Variants in ABAT observed in about 807,000 individuals in gnomAD.
ABAT encodes 4-aminobutyrate aminotransferase, also known as 4-aminobutyrate aminotransferase, mitochondrial.
A neutral mutation model predicts 64.6 loss-of-function variants in ABAT; 45 were observed. The observed-to-expected ratio is 0.70, with a 90% CI of 0.55 to 0.89. ABAT has a LOEUF of 0.89. Among genes scored for constraint, ABAT ranks in the 40% least tolerant of loss-of-function variants. The probability of loss-of-function intolerance (pLI) is 0.00; values close to 1 mark genes in which losing one functional copy is unlikely to be tolerated. For synonymous variants in ABAT, 297 were observed against 250.5 expected, an observed-to-expected ratio of 1.19 and a Z score of -1.75; for missense variants, 633 against 658.4, an observed-to-expected ratio of 0.96 and a Z score of 0.42.
chr16:8,766,221 G>A lies in ABAT; in HGVS notation c.554G>A (p.Gly185Glu). The change falls in exon 9 of 16, where the codon GGG (glycine) becomes GAG (glutamate). Residue 185 changes from glycine (G) to glutamate (E), a missense_variant. Transcript: ENST00000268251. The stretch of plus-strand genomic sequence containing the variant: ...CTATTGTTTCAGAGCAAGGAAAGAG[G>A]GCAGAGGGGCTTCTCCCAGGAGGAG... ...IFMWYRSKER[G>E]QRGFSQEELE... The A allele has an allele frequency of 1.2e-6, 2 of 1,614,030 alleles. No individual in the cohort carries two copies.
chr16:8,746,035 C>A lies in ABAT; in HGVS notation c.105C>A (p.Val35=). Residue 35 remains valine, a synonymous_variant, in exon 3 of 16, where the codon GTC becomes GTA. Transcript: ENST00000268251. ...SRHISQAAAK[V]DVEFDYDGPL... is the part of the protein sequence containing the mutation. ...ACATTAGTCAAGCTGCAGCCAAAGT[C>A]GACGTTGAATTTGATTATGATGGGC... 6.2e-7 allele frequency: 1 copy of A among 1,613,908 alleles called. No homozygotes were observed. Among genetic ancestry groups the A allele is most frequent in the Non-Finnish European group, 8.5e-7 (1 of 1,179,978 alleles).
At chr16:8,774,831 C>T (rs2060218822) in intron 12 of ABAT, 59 bp from the exon 13 acceptor site, 1 of 1,604,306 alleles carries the variant, frequency 6.2e-7, no homozygotes, top group Non-Finnish European at 8.5e-7. Flanking sequence ...CTATGGAGGG[C>T]ATGAATTTCT....
At position 8,776,701 on chromosome 16, in the gene ABAT, C is replaced by T. The variant is rs945350531; in HGVS notation, c.1269+211C>T. Among the ~76,000 whole-genome samples, 1 of 152,128 alleles carries T rather than the reference C, an allele frequency of 6.6e-6. No individual in the cohort carries two copies. Among genetic ancestry groups the T allele is most frequent in the African/African-American group, 2.4e-5 (1 of 41,416 alleles). On this transcript the variant is annotated intron_variant, in intron 14 of 15. Coordinates refer to ENST00000268251, the MANE Select transcript of ABAT (RefSeq NM_020686.6). This position sits in a 1 kb window ranked among gnomAD's most constrained non-coding sequence, Gnocchi z 4.4. ...CCTCCATCCCATTCCAACCCCTATT[C>T]CTGAACTCCTGGTTTTCTTTGTTGT...
Position 8,735,904 on chromosome 16 carries a change from G to C in ABAT, c.70+95G>C. ...CTGGAAGAGCCCTTGGGGATAAAGG[G>C]ACCAGCCAGTGAGTGTTTCTGGGAC... is the stretch of plus-strand genomic sequence containing the variant. On this transcript the variant is annotated intron_variant, in intron 2 of 15. Transcript: ENST00000268251. 5.5e-6 allele frequency: 6 copies of C among 1,099,660 alleles called. 1 individual carries two copies. In the South Asian group the frequency reaches 8.0e-5, roughly 15 times the overall value. 68.1% of individuals were successfully genotyped at this position (1,099,660 alleles called of 1,614,324 possible). A position where few individuals can be genotyped will look rare whatever the true frequency, so the allele number is the denominator to read the frequency against.
rs1596472701 is a variant in ABAT, at chr16:8,776,544, C to T, written c.1269+54C>T. 2 of 1,525,032 alleles carry T rather than the reference C, an allele frequency of 1.3e-6. No individual in the cohort carries two copies. The highest frequency in any genetic ancestry group is 4.9e-5 in the East Asian group (2 of 41,110). The allele number at this position is 1,525,032 out of a possible 1,614,324, so 94.5% of individuals were successfully genotyped here. ...ACCACCCATGGCTCCCCGCAGCAGC[C>T]TCCGGGGCAACACTGGAGCTCTTCG... On this transcript the variant is annotated intron_variant, in intron 14 of 15. Transcript: ENST00000268251. This position sits in a 1 kb window ranked among gnomAD's most constrained non-coding sequence, Gnocchi z 4.4.
At chr16:8,712,732 G>T (rs959994277) in intron 1 of ABAT, 2 of 152,150 alleles carry the variant, frequency 1.3e-5, no homozygotes, top group African/African-American at 4.8e-5. Context: ...ACTGCACCGA[G>T]GATGCCGGTA....
intron 1 of ABAT, among the ~76,000 whole-genome samples, chr16:8,692,219 GA>G (rs1263008557): frequency 6.6e-6 from 1 of 151,910 alleles, no homozygotes; most frequent in African/African-American, 2.4e-5. Flanking sequence ...TGTCCCTACA[GA>G]AAATAAAAAA....
chr16:8,701,592 A>C (rs1289070353), intron 1 of ABAT, among the ~76,000 whole-genome samples: 1 of 152,248 alleles, frequency 6.6e-6, no homozygotes, highest in Non-Finnish European at 1.5e-5. Flanking sequence ...GTATAATTAA[A>C]ATACTGATGG....
chr16:8,771,132 C>G (rs1307681326), intron 11 of ABAT, among the ~76,000 whole-genome samples: 3 of 151,964 alleles, frequency 2.0e-5, no homozygotes, highest in Non-Finnish European at 4.4e-5. Context: ...CCCATCTCTA[C>G]TAAAAATACA....
chr16:8,719,318 T>C (rs1027734226), intron 1 of ABAT, among the ~76,000 whole-genome samples: 1 of 152,346 alleles, frequency 6.6e-6, no homozygotes, highest in African/African-American at 2.4e-5. Context: ...TCCTCCTCCC[T>C]TGTAGGATCA....
chr16:8,781,127 A>C lies in ABAT; in HGVS notation c.1382-182A>C. 1.2e-6 allele frequency: 1 copy of C among 860,580 alleles called. No individual in the cohort carries two copies. 53.3% of individuals were successfully genotyped at this position (860,580 alleles called of 1,614,324 possible). A position where few individuals can be genotyped will look rare whatever the true frequency, so the allele number is the denominator to read the frequency against. On this transcript the variant is annotated intron_variant, in intron 15 of 15. Transcript: ENST00000268251. The surrounding 1 kb of genome is among the most constrained non-coding windows in gnomAD (Gnocchi z 4.5). Reference sequence around the variant, plus strand: ...GAGGAGATGAATGAGGGGAGAGAGAAAGGAAATGAAGACTGGATGGGTGGG... The same window carrying C: ...GAGGAGATGAATGAGGGGAGAGAGACAGGAAATGAAGACTGGATGGGTGGG...
chr16:8,726,364 G>A (rs1478910293), intron 1 of ABAT, among the ~76,000 whole-genome samples: 2 of 145,774 alleles, frequency 1.4e-5, no homozygotes, highest in Non-Finnish European at 3.0e-5. Flanking sequence ...GGGTTCAAGC[G>A]ATTCTCCTGC....
At chr16:8,737,945 GAAGA>G (rs1266641914) in intron 2 of ABAT, among the ~76,000 whole-genome samples, 102 of 7,838 alleles carry the variant, frequency 0.013, 13 homozygotes, top group East Asian at 0.019. Flanking sequence ...GAAAGGAAAG[GAAGA>G]AAGGAAGGAA....
At chr16:8,771,896 C>G (rs1252499644) in intron 11 of ABAT, among the ~76,000 whole-genome samples, 1 of 151,860 alleles carries the variant, frequency 6.6e-6, no homozygotes, top group African/African-American at 2.4e-5. Flanking sequence ...TCTCAAGTAG[C>G]TGAGACTACA....
intron 1 of ABAT, among the ~76,000 whole-genome samples, chr16:8,692,998 T>C (rs1030233603): frequency 3.3e-5 from 5 of 151,972 alleles, no homozygotes; most frequent in African/African-American, 1.2e-4. Context: ...GGATTACAGG[T>C]GCACACCACC....
chr16:8,733,835 G>A (rs1317847064), intron 1 of ABAT, among the ~76,000 whole-genome samples: 4 of 147,534 alleles, frequency 2.7e-5, no homozygotes, highest in Admixed American at 2.6e-4. Flanking sequence ...GGGAGAGGGA[G>A]AGGGAACTGA....
intron 1 of ABAT, among the ~76,000 whole-genome samples, chr16:8,688,466 T>C (rs1177963168): frequency 6.6e-6 from 1 of 152,120 alleles, no homozygotes; most frequent in Non-Finnish European, 1.5e-5. Context: ...ATTCCTCAAG[T>C]CTGTATAGAC....
chr16:8,680,810 A>G (rs901356054), intron 1 of ABAT, among the ~76,000 whole-genome samples: 3 of 152,222 alleles, frequency 2.0e-5, no homozygotes, highest in Middle Eastern at 6.8e-3. Flanking sequence ...GCATTTCCCT[A>G]ATGACTGATG....
chr16:8,749,026 G>A lies in ABAT; in HGVS notation c.198+889G>A, dbSNP rs140243943. Among the ~76,000 whole-genome samples the A allele has an allele frequency of 2.6e-3, 393 of 150,902 alleles. 1 individual carries two copies. Among genetic ancestry groups the A allele is most frequent in the Non-Finnish European group, 2.7e-3 (181 of 67,800 alleles). On this transcript the variant is annotated intron_variant, in intron 4 of 15. Coordinates refer to ENST00000268251, the MANE Select transcript of ABAT (RefSeq NM_020686.6). Reference sequence around the variant, plus strand: ...AGTTAATGTTATTATTCATATGGTTGTGTTTACAGCTGCCATTTATTGTTG... The same window carrying A: ...AGTTAATGTTATTATTCATATGGTTATGTTTACAGCTGCCATTTATTGTTG...
Sources: allele counts gnomAD v4.1 joint callset (sites outside exome capture counted in the v4.1 genomes callset), GRCh38; gene constraint gnomAD v4.1.1; non-coding constraint Gnocchi (gnomAD v3.1); transcripts MANE v1.5; gene names NCBI Gene and HGNC (gene_info 2026-07-23, HGNC 2026-07-21).